CAMTA1: variants seen among roughly 807,000 people sequenced by gnomAD.
CAMTA1 encodes calmodulin binding transcription activator 1, also known as calmodulin-binding transcription activator 1.
CAMTA1 carries 27 observed loss-of-function variants against 170.9 expected under a neutral mutation model. The observed-to-expected ratio is 0.16, with a 90% confidence interval of 0.12 to 0.22. CAMTA1 has a LOEUF of 0.22. Ranked by LOEUF, CAMTA1 falls within the 10% of genes least tolerant of loss-of-function variation. CAMTA1 has a pLI of 1.00. For missense variants in CAMTA1, 1,619 were observed against 2,217.2 expected, an observed-to-expected ratio of 0.73 and a Z score of 5.42; for synonymous variants, 833 against 891.5, an observed-to-expected ratio of 0.93 and a Z score of 1.17.
intron 3 of CAMTA1, among the ~76,000 whole-genome samples, chr1:7,023,920 C>G (rs1055224082): frequency 1.3e-5 from 2 of 150,966 alleles, no homozygotes; most frequent in Admixed American, 6.6e-5. Flanking sequence ...CCCAGCTACT[C>G]AGGAGGCTGA....
chr1:7,413,552 CTGTT>C (rs1199645259), intron 5 of CAMTA1, among the ~76,000 whole-genome samples: 7 of 152,112 alleles, frequency 4.6e-5, no homozygotes, highest in Admixed American at 1.3e-4. Flanking sequence ...ATTTGGCTCT[CTGTT>C]TGTCTGTTAT....
intron 3 of CAMTA1, among the ~76,000 whole-genome samples, chr1:7,027,787 A>T (rs113484623): frequency 0.012 from 1,902 of 152,230 alleles, 20 homozygotes; most frequent in East Asian, 0.037. Flanking sequence ...TGTCTTCCAG[A>T]GTTATGAAGG....
At position 7,065,662 on chromosome 1, in the gene CAMTA1, A is replaced by C. The variant is rs1708863427; in HGVS notation, c.235-25642A>C. ...AGAGGAGACAGCTGCACCTTGTTGG[A>C]GTCCATGTCAGCTGATTGGAAGAAT... On this transcript the variant is annotated intron_variant, in intron 3 of 22. Coordinates refer to ENST00000303635, the MANE Select transcript of CAMTA1 (RefSeq NM_015215.4). This position sits in a 1 kb window ranked among gnomAD's most constrained non-coding sequence, Gnocchi z 5.2. Among the ~76,000 whole-genome samples, 1 of 136,116 alleles carries C rather than the reference A, an allele frequency of 7.3e-6. No individual in the cohort carries two copies. The highest frequency in any genetic ancestry group is 2.9e-5 in the African/African-American group (1 of 34,848). 89.3% of individuals were successfully genotyped at this position (136,116 alleles called of 152,430 possible). A position where few individuals can be genotyped will look rare whatever the true frequency, so the allele number is the denominator to read the frequency against.
At chr1:7,362,561 G>A (rs1409223371) in intron 5 of CAMTA1, among the ~76,000 whole-genome samples, 2 of 152,046 alleles carry the variant, frequency 1.3e-5, no homozygotes, top group African/African-American at 4.8e-5. Context: ...TAGAGTTGGT[G>A]GACTTGGGTA....
chr1:7,298,571 G>C (rs1674318572), intron 5 of CAMTA1, among the ~76,000 whole-genome samples: 1 of 152,152 alleles, frequency 6.6e-6, no homozygotes, highest in African/African-American at 2.4e-5. Flanking sequence ...ATTTGCTACA[G>C]GGGAAATTCT....
intron 11 of CAMTA1, among the ~76,000 whole-genome samples, chr1:7,695,258 T>G (rs576811986): frequency 9.9e-5 from 15 of 152,020 alleles, no homozygotes; most frequent in African/African-American, 2.9e-4. Context: ...TCATCATGAG[T>G]CTTTACACCC....
At chr1:7,686,764 G>A (rs1451514719) in intron 11 of CAMTA1, among the ~76,000 whole-genome samples, 1 of 152,168 alleles carries the variant, frequency 6.6e-6, no homozygotes, top group Non-Finnish European at 1.5e-5. Flanking sequence ...CTCTGACAAG[G>A]CCGGAACAAT....
At chr1:7,433,562 G>T (rs910784449) in intron 5 of CAMTA1, among the ~76,000 whole-genome samples, 13 of 152,242 alleles carry the variant, frequency 8.5e-5, no homozygotes, top group Middle Eastern at 6.8e-3. Flanking sequence ...CTCACCAACG[G>T]AGAAAAAAGG....
chr1:6,987,640 T>C (rs1695581900), intron 3 of CAMTA1, among the ~76,000 whole-genome samples: 1 of 152,234 alleles, frequency 6.6e-6, no homozygotes, highest in South Asian at 2.1e-4. Context: ...ACAGTGAGGC[T>C]GTGGGCAGAT....
chr1:7,389,578 G>A (rs1408019656), intron 5 of CAMTA1: 2 of 152,448 alleles, frequency 1.3e-5, no homozygotes, highest in Non-Finnish European at 2.9e-5. Context: ...CTTAGAAACA[G>A]ACATGAGTGG....
At chr1:7,747,098 G>T (rs2096862433) in intron 18 of CAMTA1, among the ~76,000 whole-genome samples, 1 of 152,146 alleles carries the variant, frequency 6.6e-6, no homozygotes. Context: ...TAATGTAATG[G>T]TTATCACCAT....
intron 3 of CAMTA1, among the ~76,000 whole-genome samples, chr1:6,828,890 GTTTTTTTTTTTT>G (rs1026284603): frequency 9.8e-6 from 1 of 101,996 alleles, no homozygotes; most frequent in Non-Finnish European, 1.9e-5. Context: ...CTGTAACGTA[GTTTTTTTTTTTT>G]TTTTTTTTTT....
chr1:7,739,242 G>A (rs1314407730), intron 16 of CAMTA1, among the ~76,000 whole-genome samples: 1 of 152,118 alleles, frequency 6.6e-6, no homozygotes, highest in Non-Finnish European at 1.5e-5. Context: ...AATTCAACAG[G>A]GCACCCATGC....
chr1:7,131,578 A>T (rs1163804836), intron 4 of CAMTA1, among the ~76,000 whole-genome samples: 1 of 149,576 alleles, frequency 6.7e-6, no homozygotes, highest in African/African-American at 2.5e-5. Flanking sequence ...CTATTTGTTG[A>T]AATGATTATT....
intron 3 of CAMTA1, among the ~76,000 whole-genome samples, chr1:6,909,168 T>C (rs1679193975): frequency 6.6e-6 from 1 of 152,248 alleles, no homozygotes; most frequent in Admixed American, 6.5e-5. Context: ...AATTTATTTG[T>C]CTGCTTTGAT....
intron 5 of CAMTA1, among the ~76,000 whole-genome samples, chr1:7,314,327 T>A (rs967078216): frequency 6.6e-6 from 1 of 152,120 alleles, no homozygotes; most frequent in African/African-American, 2.4e-5. Context: ...ATTATCTGGG[T>A]CAAAGGCCAC....
intron 5 of CAMTA1, among the ~76,000 whole-genome samples, chr1:7,335,681 G>A (rs2083336985): frequency 1.3e-5 from 2 of 152,112 alleles, no homozygotes; most frequent in Admixed American, 6.5e-5. Flanking sequence ...TAGCATTCAC[G>A]CGTGTGTCCT....
At chr1:6,801,984 G>A (rs1643901471) in intron 1 of CAMTA1, among the ~76,000 whole-genome samples, 1 of 152,222 alleles carries the variant, frequency 6.6e-6, no homozygotes, top group African/African-American at 2.4e-5. Context: ...ATGGTTTGGG[G>A]TTGATGTCAG....
chr1:6,991,864 AT>A (rs1038456421), intron 3 of CAMTA1, among the ~76,000 whole-genome samples: 7 of 149,676 alleles, frequency 4.7e-5, no homozygotes, highest in African/African-American at 1.2e-4. Context: ...ATACCTGGCT[AT>A]TTTTTTTTGT....
Sources: gnomAD v4.1 joint callset for allele counts (sites outside exome capture counted in the v4.1 genomes callset) on GRCh38, gnomAD v4.1.1 for gene constraint, Gnocchi (gnomAD v3.1) non-coding constraint, MANE v1.5 for transcripts, NCBI Gene and HGNC (gene_info 2026-07-23, HGNC 2026-07-21) for gene names.